The following ST6GALNAC3 variants were observed in gnomAD, a reference collection of about 807,000 sequenced individuals.
ST6GALNAC3 encodes alpha-N-acetylgalactosaminide alpha-2,6-sialyltransferase 3.
ST6GALNAC3 carries 25 observed loss-of-function variants against 32.7 expected under a neutral mutation model. The ratio of observed to expected loss-of-function variants is 0.76; its 90% CI spans 0.56 to 1.07. The LOEUF is 1.07. ST6GALNAC3 is among the 50% of genes least tolerant of loss of function. The pLI, the probability that ST6GALNAC3 is intolerant of heterozygous loss-of-function variation, is 0.00. For missense variants in ST6GALNAC3, 355 were observed against 382.4 expected, an observed-to-expected ratio of 0.93 and a Z score of 0.60; for synonymous variants, 129 against 133.1, an observed-to-expected ratio of 0.97 and a Z score of 0.21.
At chr1:76,127,354 A>C (rs1344044342) in intron 1 of ST6GALNAC3, among the ~76,000 whole-genome samples, 1 of 152,142 alleles carries the variant, frequency 6.6e-6, no homozygotes, top group Admixed American at 6.6e-5. Context: ...TAAAGATATA[A>C]ATTTCCTGCT....
chr1:76,247,469 G>C (rs766881705), intron 1 of ST6GALNAC3, among the ~76,000 whole-genome samples: 4 of 152,190 alleles, frequency 2.6e-5, no homozygotes, highest in Non-Finnish European at 5.9e-5. Context: ...GATGAGAGTT[G>C]TATCTGTAAG....
chr1:76,293,795 TA>T (rs1252021454), intron 1 of ST6GALNAC3, among the ~76,000 whole-genome samples: 2 of 152,190 alleles, frequency 1.3e-5, no homozygotes, highest in Non-Finnish European at 2.9e-5. Context: ...TTTCTAAATA[TA>T]AAGCTTTAAA....
chr1:76,122,334 T>C (rs148749986), intron 1 of ST6GALNAC3, among the ~76,000 whole-genome samples: 105 of 152,346 alleles, frequency 6.9e-4, no homozygotes, highest in African/African-American at 2.4e-3. Context: ...AAAAGTATGA[T>C]TTTGTAATAT....
intron 1 of ST6GALNAC3, among the ~76,000 whole-genome samples, chr1:76,304,455 A>C (rs924088362): frequency 1.3e-5 from 2 of 151,070 alleles, no homozygotes; most frequent in African/African-American, 4.9e-5. Flanking sequence ...TGGGGGAAAC[A>C]CTCTGAGCAA....
intron 2 of ST6GALNAC3, among the ~76,000 whole-genome samples, chr1:76,402,764 TAA>T (rs1653526073): frequency 6.6e-6 from 1 of 152,188 alleles, no homozygotes; most frequent in Non-Finnish European, 1.5e-5. Flanking sequence ...TTTAGAAATA[TAA>T]GAGAACCTAG....
intron 3 of ST6GALNAC3, among the ~76,000 whole-genome samples, chr1:76,614,322 A>G (rs1178018460): frequency 1.3e-5 from 2 of 152,186 alleles, no homozygotes; most frequent in Admixed American, 6.5e-5. Flanking sequence ...ATGAAGTGGA[A>G]CTCAACTTCT....
At chr1:76,339,878 C>T (rs567713761) in intron 2 of ST6GALNAC3, among the ~76,000 whole-genome samples, 1 of 152,330 alleles carries the variant, frequency 6.6e-6, no homozygotes. Context: ...TCTTACAAAT[C>T]ATTCAGAGCA....
intron 1 of ST6GALNAC3, among the ~76,000 whole-genome samples, chr1:76,153,848 C>T (rs1466657950): frequency 6.6e-6 from 1 of 152,124 alleles, no homozygotes. Flanking sequence ...TGAAATGATG[C>T]TCTTGGCTGG....
intron 1 of ST6GALNAC3, among the ~76,000 whole-genome samples, chr1:76,305,057 C>T (rs542993021): frequency 5.3e-5 from 8 of 152,130 alleles, no homozygotes; most frequent in East Asian, 3.9e-4. Context: ...GAATGCCCGG[C>T]GCACAGGGGT....
intron 3 of ST6GALNAC3, among the ~76,000 whole-genome samples, chr1:76,478,215 A>G (rs1659477631): frequency 6.6e-6 from 1 of 152,166 alleles, no homozygotes; most frequent in African/African-American, 2.4e-5. Context: ...CCTTTAGCCC[A>G]CATGATGATC....
At chr1:76,571,033 G>C (rs1665830073) in intron 3 of ST6GALNAC3, among the ~76,000 whole-genome samples, 2 of 151,982 alleles carry the variant, frequency 1.3e-5, no homozygotes, top group South Asian at 4.2e-4. Flanking sequence ...ATTGCTCTTT[G>C]ACTTATTTTC....
At chr1:76,615,314 T>C (rs953361905) in intron 3 of ST6GALNAC3, among the ~76,000 whole-genome samples, 5 of 152,246 alleles carry the variant, frequency 3.3e-5, no homozygotes, top group Admixed American at 3.3e-4. Context: ...TTGGCCTGAT[T>C]ACAGGCCCTT....
At chr1:76,470,753 G>A (rs1249817373) in intron 3 of ST6GALNAC3, among the ~76,000 whole-genome samples, 1 of 152,062 alleles carries the variant, frequency 6.6e-6, no homozygotes, top group Admixed American at 6.6e-5. Context: ...CCATCACTGA[G>A]GCCAAGAGAA....
chr1:76,501,384 G>C (rs1259968231), intron 3 of ST6GALNAC3, among the ~76,000 whole-genome samples: 1 of 152,154 alleles, frequency 6.6e-6, no homozygotes, highest in East Asian at 1.9e-4. Context: ...GCTTTATCCC[G>C]GGATCTTATC....
At chr1:76,398,207 C>G (rs1234563724) in intron 2 of ST6GALNAC3, among the ~76,000 whole-genome samples, 1 of 152,116 alleles carries the variant, frequency 6.6e-6, no homozygotes, top group Non-Finnish European at 1.5e-5. Flanking sequence ...TCTGAATTAA[C>G]CAAAATGAGA....
chr1:76,098,601 C>T (rs1647172182), intron 1 of ST6GALNAC3, among the ~76,000 whole-genome samples: 1 of 139,388 alleles, frequency 7.2e-6, no homozygotes, highest in Admixed American at 7.5e-5. Flanking sequence ...TAGTCTTTTC[C>T]CCATTTAAAA....
rs1371281424 is a variant in ST6GALNAC3 at position 76,629,176 on chromosome 1, G to T, written c.*370G>T. The T allele has an allele frequency of 2.0e-6, 2 of 1,018,404 alleles. No homozygotes were observed. The highest frequency in any genetic ancestry group is 2.3e-6 in the Non-Finnish European group (2 of 852,710). The allele number at this position is 1,018,404 out of a possible 1,614,324, so 63.1% of individuals were successfully genotyped here. On this transcript the variant is annotated 3_prime_UTR_variant, in exon 5 of 5. Transcript: ENST00000328299. ...AACTTCCAGAAGCCAAAAGAGTTTG[G>T]CTTCATGAGGCAAGGTGATTGACTC...
chr1:76,156,978 G>T lies in ST6GALNAC3; in HGVS notation c.18+82094G>T, dbSNP rs541634913. ...AATCTTCTGACCTCGTGATCTGCCC[G>T]CCTTGGCCTCCCAAAGTGCTGGGAT... is the stretch of plus-strand genomic sequence containing the variant. On this transcript the variant is annotated intron_variant, in intron 1 of 4. Transcript: ENST00000328299. Among the ~76,000 whole-genome samples, 17 of 152,306 alleles carry T rather than the reference G, an allele frequency of 1.1e-4. No individual in the cohort carries two copies. The South Asian group carries it at 2.3e-3, about 20-fold the overall frequency.
intron 3 of ST6GALNAC3, among the ~76,000 whole-genome samples, chr1:76,586,786 G>A (rs1186337108): frequency 1.3e-5 from 2 of 152,148 alleles, no homozygotes; most frequent in Admixed American, 6.5e-5. Context: ...GTCAAAGTCA[G>A]TGAACAGGAA....
Sources: gnomAD v4.1 joint callset for allele counts (sites outside exome capture counted in the v4.1 genomes callset) on GRCh38, gnomAD v4.1.1 for gene constraint, MANE v1.5 for transcripts, NCBI Gene and HGNC (gene_info 2026-07-23, HGNC 2026-07-21) for gene names.